Variants in CFAP77 observed in about 807,000 individuals in gnomAD.
The protein encoded by CFAP77 is cilia- and flagella-associated protein 77.
In CFAP77, 25 loss-of-function variants were observed where a neutral mutation model predicts 31.1. The observed-to-expected ratio is 0.80, with a 90% confidence interval of 0.59 to 1.12. The LOEUF (loss-of-function observed/expected upper bound fraction) is 1.12. CFAP77 is among the 50% of genes most tolerant of loss of function. The pLI, the probability that CFAP77 is intolerant of heterozygous loss-of-function variation, is 0.00. For missense variants in CFAP77, 377 were observed against 397.3 expected (o/e 0.95, Z 0.44); for synonymous variants, 151 against 159.9 (o/e 0.94, Z 0.42).
At chr9:132,530,136 C>CTTTTTTTTTTTTTTTTTT (rs750962954) in intron 3 of CFAP77, among the ~76,000 whole-genome samples, 333 of 93,178 alleles carry the variant, frequency 3.6e-3, no homozygotes, top group Middle Eastern at 9.1e-3. Flanking sequence ...TCTTTCTTTT[C>CTTTTTTTTTTTTTTTTTT]TTTTTTTTTT....
Position 132,424,721 on chromosome 9 carries a change from C to CG in CFAP77, c.195+14258dup, listed in dbSNP as rs949834348. On this transcript the variant is annotated intron_variant, in intron 1 of 5. Transcript: ENST00000393216. The surrounding 1 kb of genome is among the most constrained non-coding windows in gnomAD (Gnocchi z 4.1). The stretch of plus-strand genomic sequence containing the variant: ...ACTCGGGATAAAGACGCATAGATAC[C>CG]GGGTTTCCCACGGATGTTGGATTTC... 1.3e-5 allele frequency among the ~76,000 whole-genome samples: 2 copies of CG among 152,186 alleles called. No individual in the cohort carries two copies. The highest frequency in any genetic ancestry group is 4.8e-5 in the African/African-American group (2 of 41,436).
chr9:132,412,324 G>A (rs4962179), intron 1 of CFAP77, among the ~76,000 whole-genome samples: 135,031 of 152,264 alleles, frequency 0.89, 60,984 homozygotes, highest in Middle Eastern at 0.97. Flanking sequence ...TCTTCCACCA[G>A]GGACAGCCAG....
chr9:132,454,525 C>T (rs1196308394), intron 1 of CFAP77, among the ~76,000 whole-genome samples: 3 of 152,158 alleles, frequency 2.0e-5, no homozygotes, highest in Non-Finnish European at 4.4e-5. Flanking sequence ...GTGCTGAAAT[C>T]GGCATCTCTG....
chr9:132,432,083 C>T (rs943047721), intron 1 of CFAP77, among the ~76,000 whole-genome samples: 2 of 152,178 alleles, frequency 1.3e-5, no homozygotes, highest in Non-Finnish European at 2.9e-5. Context: ...AAATAACACA[C>T]TGCACGTCAG....
Position 132,539,228 on chromosome 9 carries a change from A to G in CFAP77, c.630+1522A>G, listed in dbSNP as rs542942648. On this transcript the variant is annotated intron_variant, in intron 4 of 5. Transcript: ENST00000393216. The surrounding 1 kb of genome is among the most constrained non-coding windows in gnomAD (Gnocchi z 4.3). ...ACGATGGTAAAATCAGAATCACTCT[A>G]TGTTCACACAGTACTTTATAGACTT... Among the ~76,000 whole-genome samples, 14 of 152,326 alleles carry G rather than the reference A, an allele frequency of 9.2e-5. No individual in the cohort carries two copies. Among genetic ancestry groups the G allele is most frequent in the African/African-American group, 2.4e-4 (10 of 41,574 alleles).
intron 1 of CFAP77, among the ~76,000 whole-genome samples, chr9:132,443,168 T>C (rs1850644473): frequency 6.6e-6 from 1 of 152,174 alleles, no homozygotes; most frequent in Non-Finnish European, 1.5e-5. Context: ...AATACTCAAT[T>C]GTATAGATAT....
chr9:132,432,241 G>A (rs995387142), intron 1 of CFAP77, among the ~76,000 whole-genome samples: 1 of 152,130 alleles, frequency 6.6e-6, no homozygotes, highest in Non-Finnish European at 1.5e-5. Context: ...CCTGGATCTG[G>A]GGGAGGGCAA....
At chr9:132,416,279 CATATGCTATAACTGTTG>C (rs1471202026) in intron 1 of CFAP77, among the ~76,000 whole-genome samples, 3 of 149,368 alleles carry the variant, frequency 2.0e-5, no homozygotes, top group Non-Finnish European at 4.4e-5. Context: ...TGATTTTTGG[CATATGCTATAACTGTTG>C]ATATGCTATA....
chr9:132,519,938 G>A (rs1006599689), intron 3 of CFAP77, among the ~76,000 whole-genome samples: 7 of 151,124 alleles, frequency 4.6e-5, no homozygotes, highest in Admixed American at 2.0e-4. Flanking sequence ...ATGGATGAAC[G>A]GGTGGGTGGA....
In CFAP77 at chr9:132,458,349, G is replaced by GTT. The variant is rs1491445913; in HGVS notation, c.196-40346_196-40345insTT. On this transcript the variant is annotated intron_variant, in intron 1 of 5. Coordinates refer to ENST00000393216, the MANE Select transcript of CFAP77 (RefSeq NM_001282957.2). ...CCACCTTTGTCTCCCTGGCGGGGGAGGGGGGGGGGTGTGTATGGAAGGCTC... is the reference window on the plus strand; with the variant it reads ...CCACCTTTGTCTCCCTGGCGGGGGAGTTGGGGGGGGGTGTGTATGGAAGGCTC... Among the ~76,000 whole-genome samples, 4 of 114,154 alleles carry GTT rather than the reference G, an allele frequency of 3.5e-5. No homozygotes were observed. In the South Asian group the frequency reaches 1.3e-3, roughly 36 times the overall value. 74.9% of individuals were successfully genotyped at this position (114,154 alleles called of 152,430 possible).
chr9:132,463,801 G>A (rs553914568), intron 1 of CFAP77, among the ~76,000 whole-genome samples: 3 of 152,316 alleles, frequency 2.0e-5, no homozygotes, highest in Admixed American at 6.5e-5. Context: ...GGACAGCAGC[G>A]GAGGTCCCTG....
intron 5 of CFAP77, among the ~76,000 whole-genome samples, chr9:132,551,968 A>C (rs1244620617): frequency 6.6e-6 from 1 of 152,202 alleles, no homozygotes; most frequent in Admixed American, 6.5e-5. Flanking sequence ...CAATAAACCA[A>C]ACTTCCCACT....
At chr9:132,446,743 C>CAAAAA (rs1184310514) in intron 1 of CFAP77, among the ~76,000 whole-genome samples, 3 of 66,054 alleles carry the variant, frequency 4.5e-5, no homozygotes, top group East Asian at 4.5e-4. Flanking sequence ...TCCTCCGTCT[C>CAAAAA]AAAAAAAAAA....
At chr9:132,468,339 C>A (rs748570766) in intron 1 of CFAP77, among the ~76,000 whole-genome samples, 1 of 152,044 alleles carries the variant, frequency 6.6e-6, no homozygotes, top group Non-Finnish European at 1.5e-5. Flanking sequence ...AGTGAGACTC[C>A]GTCTCAAAAA....
intron 3 of CFAP77, among the ~76,000 whole-genome samples, chr9:132,500,227 C>T (rs549266710): frequency 7.2e-5 from 11 of 151,872 alleles, no homozygotes; most frequent in South Asian, 2.1e-4. Flanking sequence ...TACCCAAGCA[C>T]GGCACCACCC....
rs1272163018 is a variant in CFAP77, at chr9:132,455,504, G to GA, written c.196-43180dup. On this transcript the variant is annotated intron_variant, in intron 1 of 5. Transcript: ENST00000393216. The surrounding 1 kb of genome is among the most constrained non-coding windows in gnomAD (Gnocchi z 4.1). ...GCCTGGGTGGCAGAGCGAGACTCCT[G>GA]AAAAAAAAAAACAAAAAAACTTCGA... 1.5e-3 allele frequency among the ~76,000 whole-genome samples: 204 copies of GA among 136,104 alleles called. No individual in the cohort carries two copies. Among genetic ancestry groups the GA allele is most frequent in the African/African-American group, 2.0e-3 (73 of 37,416 alleles). 89.3% of individuals were successfully genotyped at this position (136,104 alleles called of 152,430 possible).
At chr9:132,465,073 C>CAAAAAAAAAAAAAAAAAAAAAAAAAA (rs773917029) in intron 1 of CFAP77, among the ~76,000 whole-genome samples, 1 of 82,856 alleles carries the variant, frequency 1.2e-5, no homozygotes, top group African/African-American at 4.1e-5. Flanking sequence ...GACTCTGTCT[C>CAAAAAAAAAAAAAAAAAAAAAAAAAA]AAAAAAAAAA....
rs558895825 is a variant in CFAP77 at position 132,468,990 on chromosome 9, G to C, written c.196-29705G>C. Reference sequence around the variant, plus strand: ...GGGAAAGAGACCTGAAGAAAGAGAAGAAAGTCTCTTCTCTTTCTCCAGTAG... The same window carrying C: ...GGGAAAGAGACCTGAAGAAAGAGAACAAAGTCTCTTCTCTTTCTCCAGTAG... On this transcript the variant is annotated intron_variant, in intron 1 of 5. Coordinates refer to ENST00000393216, the MANE Select transcript of CFAP77 (RefSeq NM_001282957.2). Among the ~76,000 whole-genome samples, 3 of 152,148 alleles carry C rather than the reference G, an allele frequency of 2.0e-5. No individual in the cohort carries two copies. The South Asian group carries it at 6.2e-4, about 32-fold the overall frequency.
chr9:132,421,408 C>T (rs1850214559), intron 1 of CFAP77, among the ~76,000 whole-genome samples: 1 of 152,142 alleles, frequency 6.6e-6, no homozygotes, highest in Non-Finnish European at 1.5e-5. Flanking sequence ...TGGGATCCCT[C>T]TTTAAGAAAC....
Sources: allele counts gnomAD v4.1 joint callset (sites outside exome capture counted in the v4.1 genomes callset), GRCh38; gene constraint gnomAD v4.1.1; non-coding constraint Gnocchi (gnomAD v3.1); transcripts MANE v1.5; gene names NCBI Gene and HGNC (gene_info 2026-07-23, HGNC 2026-07-21).